The following RBM28 variants were observed in gnomAD, a reference collection of about 807,000 sequenced individuals.
RBM28 encodes RNA-binding protein 28.
RBM28 carries 78 observed loss-of-function variants against 98.3 expected under a neutral mutation model. The ratio of observed to expected loss-of-function variants is 0.79; its 90% CI spans 0.66 to 0.96. The LOEUF is 0.96. Ranked by LOEUF, RBM28 falls within the 40% of genes least tolerant of loss-of-function variation. The pLI is 0.00. For synonymous variants in RBM28, 306 were observed against 330.9 expected (o/e 0.92, Z 0.82); for missense variants, 838 against 913.0 (o/e 0.92, Z 1.06).
At chr7:128,325,683 A>C (rs1796333852) in intron 11 of RBM28, 135 bp downstream of exon 11, 1 of 694,232 alleles carries the variant, frequency 1.4e-6, no homozygotes, top group Non-Finnish European at 2.6e-6. Flanking sequence ...TGCCTAACAC[A>C]AAGTGCTAAA....
At chr7:128,334,244 G>A (rs925508831) in intron 8 of RBM28, among the ~76,000 whole-genome samples, 1 of 152,198 alleles carries the variant, frequency 6.6e-6, no homozygotes, top group Non-Finnish European at 1.5e-5. Flanking sequence ...AAACAACAGT[G>A]ATTACTTCAG....
rs1795802351 is a variant in RBM28 at position 128,303,039 on chromosome 7, C to G, written c.*7758G>C. 1 of 152,232 alleles carries G rather than the reference C, an allele frequency of 6.6e-6. No homozygotes were observed. The highest frequency in any genetic ancestry group is 2.1e-4 in the South Asian group (1 of 4,826). 9.4% of individuals were successfully genotyped at this position (152,232 alleles called of 1,614,324 possible). A position where few individuals can be genotyped will look rare whatever the true frequency, so the allele number is the denominator to read the frequency against. On this transcript the variant is annotated 3_prime_UTR_variant, in exon 19 of 19. Transcript: ENST00000223073. ...TCAGCCTCCCATAGTGCTGGGGTTA[C>G]AGGTATGAGCCACCAAGCCCAGCTG...
chr7:128,304,016 T>A lies in RBM28; in HGVS notation c.*6781A>T, dbSNP rs1795817126. On this transcript the variant is annotated 3_prime_UTR_variant, in exon 19 of 19. Transcript: ENST00000223073. Reference sequence around the variant, plus strand: ...AACTAAAAAAGCAAGTGGGGACATCTCAAAGAGTGGGCTGGCCACTCCCAG... The same window carrying A: ...AACTAAAAAAGCAAGTGGGGACATCACAAAGAGTGGGCTGGCCACTCCCAG... 1 of 152,142 alleles carries A rather than the reference T, an allele frequency of 6.6e-6. No individual in the cohort carries two copies. Among genetic ancestry groups the A allele is most frequent in the African/African-American group, 2.4e-5 (1 of 41,424 alleles). The allele number at this position is 152,142 out of a possible 1,614,324, so 9.4% of individuals were successfully genotyped here.
intron 1 of RBM28, chr7:128,341,019 C>A: frequency 1.8e-6 from 1 of 561,182 alleles, no homozygotes; most frequent in Non-Finnish European, 2.8e-6. Flanking sequence ...CAACTGTAAC[C>A]CACCTTTGCC....
chr7:128,322,196 A>C (rs1452872569), intron 13 of RBM28, among the ~76,000 whole-genome samples: 1 of 152,240 alleles, frequency 6.6e-6, no homozygotes, highest in African/African-American at 2.4e-5. Context: ...TATTCAAAGA[A>C]TACTTGACAG....
chr7:128,314,091 T>C (rs950415737), intron 17 of RBM28, among the ~76,000 whole-genome samples: 1 of 152,190 alleles, frequency 6.6e-6, no homozygotes, highest in Admixed American at 6.5e-5. Flanking sequence ...GCCTCCCCAG[T>C]AGCTGGGACT....
chr7:128,343,576 TC>T lies in RBM28; in HGVS notation c.118+99del, dbSNP rs546371473. ...AAGAAACTCAGTTCCCTGTCCCTTC[TC>T]TTCGGGGAGGGTAAAGAATGATACG... On this transcript the variant is annotated intron_variant, in intron 1 of 18. Transcript: ENST00000223073. 356 of 811,692 alleles carry T rather than the reference TC, an allele frequency of 4.4e-4. 1 individual carries two copies. The African/African-American group carries it at 6.1e-3, about 14-fold the overall frequency. 50.3% of individuals were successfully genotyped at this position (811,692 alleles called of 1,614,324 possible).
chr7:128,336,106 A>C, intron 6 of RBM28, 64 bp from the exon 7 acceptor site: 1 of 1,448,764 alleles, frequency 6.9e-7, no homozygotes, highest in Non-Finnish European at 9.4e-7. Context: ...ATTTTAACAA[A>C]AGTAACCAAT....
chr7:128,336,065 G>A (rs359651), intron 6 of RBM28, 23 bp from the exon 7 acceptor site: 2 of 1,586,908 alleles, frequency 1.3e-6, no homozygotes, highest in South Asian at 2.2e-5. Context: ...GTAAAGAAAG[G>A]AGGAATTCAT....
At chr7:128,325,275 A>C (rs1384311274) in intron 11 of RBM28, among the ~76,000 whole-genome samples, 2 of 152,270 alleles carry the variant, frequency 1.3e-5, no homozygotes, top group Admixed American at 1.3e-4. Flanking sequence ...GGAGTTGATT[A>C]GTCCCAAAGT....
At chr7:128,339,148 G>T in intron 3 of RBM28, 79 bp downstream of exon 3, 1 of 1,236,426 alleles carries the variant, frequency 8.1e-7, no homozygotes, top group Non-Finnish European at 1.2e-6. Flanking sequence ...TACCATCTTG[G>T]TGAGGAGTTC....
At chr7:128,311,657 G>T (rs1020058901) in intron 18 of RBM28, among the ~76,000 whole-genome samples, 1 of 151,764 alleles carries the variant, frequency 6.6e-6, no homozygotes, top group Non-Finnish European at 1.5e-5. Context: ...AATAATGACA[G>T]TATTTGAAAC....
At chr7:128,335,769 CAGA>C (rs1382982483) in intron 7 of RBM28, 75 bp downstream of exon 7, 1 of 1,613,234 alleles carries the variant, frequency 6.2e-7, no homozygotes, top group Admixed American at 1.7e-5. Context: ...ATGATGCAGG[CAGA>C]AAAAGGAGAA....
intron 12 of RBM28, 144 bp from the exon 13 acceptor site, chr7:128,323,735 C>G: frequency 1.2e-6 from 1 of 830,552 alleles, no homozygotes; most frequent in Non-Finnish European, 1.9e-6. Flanking sequence ...TTGGTTAGGT[C>G]CAGAAATAGG....
rs1197712584 is a variant in RBM28, at chr7:128,337,194, C to T, written c.550G>A (p.Val184Met). The change falls in exon 6 of 19, where the codon GTG (valine) becomes ATG (methionine). Residue 184 changes from valine (V) to methionine (M), a missense_variant. Val to Met is a conservative substitution (Grantham distance 21). Coordinates refer to ENST00000223073, the MANE Select transcript of RBM28 (RefSeq NM_018077.3). The part of the protein sequence containing the change: ...MNMKEIKGRT[V>M]AVDWAVAKDK... ...TTTGCCACGGCCCAATCCACAGCCA[C>T]TGTCCGGCCTGTCAAGCAGAAAAGT... 3 of 1,614,012 alleles carry T rather than the reference C, an allele frequency of 1.9e-6. No individual in the cohort carries two copies. The highest frequency in any genetic ancestry group is 2.5e-6 in the Non-Finnish European group (3 of 1,180,006).
intron 5 of RBM28, 56 bp from the exon 6 acceptor site, chr7:128,337,258 G>A: frequency 1.3e-6 from 2 of 1,540,240 alleles, no homozygotes; most frequent in South Asian, 1.1e-5. Flanking sequence ...CCCTACCTCT[G>A]TAAATGACCC....
At chr7:128,332,543 T>C (rs1796503077) in intron 9 of RBM28, among the ~76,000 whole-genome samples, 1 of 151,938 alleles carries the variant, frequency 6.6e-6, no homozygotes, top group Non-Finnish European at 1.5e-5. Flanking sequence ...TTAGTAAAAA[T>C]GGGGTTTCAC....
rs1479389102 is a variant in RBM28 at position 128,301,245 on chromosome 7, T to C, written c.*9552A>G. 2.0e-5 allele frequency: 3 copies of C among 152,228 alleles called. No homozygotes were observed. Among genetic ancestry groups the C allele is most frequent in the Non-Finnish European group, 4.4e-5 (3 of 68,058 alleles). The allele number at this position is 152,228 out of a possible 1,614,324, so 9.4% of individuals were successfully genotyped here. ...CTTTTACAGTGGCTATTTCATTTAGTACTAGGGGGCTTTTTGCCTGTATTT... is the reference window on the plus strand; with the variant it reads ...CTTTTACAGTGGCTATTTCATTTAGCACTAGGGGGCTTTTTGCCTGTATTT... On this transcript the variant is annotated 3_prime_UTR_variant, in exon 19 of 19. Transcript: ENST00000223073.
At chr7:128,339,180 T>C (rs558673170) in intron 3 of RBM28, 47 bp downstream of exon 3, 1 of 1,474,522 alleles carries the variant, frequency 6.8e-7, no homozygotes, top group Non-Finnish European at 9.5e-7. Context: ...ACATCTTGGC[T>C]CTAAAAGCCT....
Sources: gnomAD v4.1 joint callset for allele counts (sites outside exome capture counted in the v4.1 genomes callset) on GRCh38, gnomAD v4.1.1 for gene constraint, MANE v1.5 for transcripts, NCBI Gene and HGNC (gene_info 2026-07-23, HGNC 2026-07-21) for gene names.